The following DENND2B variants were observed in gnomAD, a reference collection of about 807,000 sequenced individuals.
DENND2B encodes the protein DENN domain containing 2B.
In DENND2B, 32 loss-of-function variants were observed where a neutral mutation model predicts 116.0. That is an observed-to-expected ratio of 0.28 (90% CI 0.21 to 0.37). The LOEUF (loss-of-function observed/expected upper bound fraction) is 0.37, where lower values mean the gene tolerates loss of function less well. Among genes scored for constraint, DENND2B ranks in the 10% least tolerant of loss-of-function variants. DENND2B has a pLI of 1.00. For missense variants in DENND2B, 1,276 were observed against 1,477.7 expected, an observed-to-expected ratio of 0.86 and a Z score of 2.24; for synonymous variants, 588 against 583.9, an observed-to-expected ratio of 1.01 and a Z score of -0.10.
At chr11:8,848,833 G>GT (rs2062898594) in intron 3 of DENND2B, among the ~76,000 whole-genome samples, 1 of 151,674 alleles carries the variant, frequency 6.6e-6, no homozygotes, top group African/African-American at 2.4e-5. Flanking sequence ...TATTTATTGG[G>GT]TATCTACTGA....
intron 1 of DENND2B, among the ~76,000 whole-genome samples, chr11:8,794,052 G>A (rs11042068): frequency 6.6e-6 from 1 of 152,022 alleles, no homozygotes. Context: ...TCTGGGGCAT[G>A]GGTTTATAGA....
At chr11:8,765,808 C>T (rs1416107272) in intron 1 of DENND2B, among the ~76,000 whole-genome samples, 3 of 152,000 alleles carry the variant, frequency 2.0e-5, no homozygotes, top group East Asian at 1.9e-4. Flanking sequence ...GAGGCCAAGG[C>T]GGGTAGATTA....
At chr11:8,825,776 T>C (rs982849503) in intron 4 of DENND2B, among the ~76,000 whole-genome samples, 4 of 152,046 alleles carry the variant, frequency 2.6e-5, no homozygotes, top group African/African-American at 9.7e-5. Context: ...GACAACAGGA[T>C]AAAGATGGTT....
At chr11:8,719,029 T>G in intron 4 of DENND2B, 1 of 985,768 alleles carries the variant, frequency 1.0e-6, no homozygotes, top group Non-Finnish European at 1.2e-6. Flanking sequence ...GCACCTCTGC[T>G]CAGCAGCAGG....
Position 8,909,709 on chromosome 11 carries a change from A to G in DENND2B, c.-256+1112T>C, listed in dbSNP as rs1272245873. 5 of 152,208 alleles carry G rather than the reference A, an allele frequency of 3.3e-5. No individual in the cohort carries two copies. In the East Asian group the frequency reaches 9.6e-4, roughly 29 times the overall value. The allele number at this position is 152,208 out of a possible 1,614,324, so 9.4% of individuals were successfully genotyped here. A position where few individuals can be genotyped will look rare whatever the true frequency, so the allele number is the denominator to read the frequency against. Reference sequence around the variant, plus strand: ...AGCAGGAAATTTGCAAAAGTTAAGTAGCATAGAAGGAGGTCGTATTGGTCG... The same window carrying G: ...AGCAGGAAATTTGCAAAAGTTAAGTGGCATAGAAGGAGGTCGTATTGGTCG... On this transcript the variant is annotated intron_variant, in intron 1 of 22. Coordinates refer to the DENND2B transcript ENST00000534127.
chr11:8,906,210 T>C (rs948950004), intron 1 of DENND2B, among the ~76,000 whole-genome samples: 3 of 145,048 alleles, frequency 2.1e-5, no homozygotes, highest in Non-Finnish European at 3.0e-5. Context: ...TTTTTCTTTT[T>C]TTTTTTTTTT....
chr11:8,718,647 A>G (rs1215405670), intron 4 of DENND2B: 11 of 1,279,186 alleles, frequency 8.6e-6, no homozygotes, highest in African/African-American at 1.5e-5. Flanking sequence ...GACACAGGGG[A>G]GGTGTGAAAG....
intron 4 of DENND2B, among the ~76,000 whole-genome samples, chr11:8,838,336 C>T (rs980328830): frequency 6.6e-6 from 1 of 152,130 alleles, no homozygotes; most frequent in African/African-American, 2.4e-5. Context: ...ATGTGCCTTG[C>T]GCAAGATCCC....
intron 1 of DENND2B, among the ~76,000 whole-genome samples, chr11:8,751,645 T>C (rs1053918267): frequency 2.0e-5 from 3 of 152,200 alleles, no homozygotes; most frequent in African/African-American, 7.2e-5. Flanking sequence ...TTAAGAACTG[T>C]AACACTCACT....
chr11:8,724,214 T>C (rs2046686110), intron 4 of DENND2B, among the ~76,000 whole-genome samples: 1 of 151,718 alleles, frequency 6.6e-6, no homozygotes, highest in Non-Finnish European at 1.5e-5. Context: ...AAGAATGGCA[T>C]GAACCCGGGA....
chr11:8,796,902 G>T (rs1221142156), intron 1 of DENND2B, among the ~76,000 whole-genome samples: 1 of 152,046 alleles, frequency 6.6e-6, no homozygotes, highest in Non-Finnish European at 1.5e-5. Flanking sequence ...TGTTTATATG[G>T]ACTCGCATTC....
intron 1 of DENND2B, among the ~76,000 whole-genome samples, chr11:8,791,327 C>A (rs2059356795): frequency 6.6e-6 from 1 of 152,122 alleles, no homozygotes; most frequent in Non-Finnish European, 1.5e-5. Context: ...CAACTATCCC[C>A]AAACATTAAC....
chr11:8,864,203 G>A (rs1430726854), intron 2 of DENND2B, among the ~76,000 whole-genome samples: 1 of 152,086 alleles, frequency 6.6e-6, no homozygotes, highest in East Asian at 1.9e-4. Context: ...CTTCCCAACA[G>A]CAATATTTGG....
rs747834740 is a variant in DENND2B at position 8,697,628 on chromosome 11, G to A, written c.2949C>T (p.Asp983=). Residue 983 remains aspartate (D), a synonymous_variant, in exon 17 of 20, where the codon GAC becomes GAT. Transcript: ENST00000313726. ...GSDRFIRQMD[D]EDTLLPRKLQ... ...ACTTCCTAGGTAACAACGTGTCTTCGTCGTCCATCTGCAGGAGAAAGAAAG... is the reference window on the plus strand; with the variant it reads ...ACTTCCTAGGTAACAACGTGTCTTCATCGTCCATCTGCAGGAGAAAGAAAG... 16 of 1,612,952 alleles carry A rather than the reference G, an allele frequency of 9.9e-6. 1 individual carries two copies. The highest frequency in any genetic ancestry group is 1.7e-5 in the Admixed American group (1 of 60,012).
At chr11:8,710,598 A>G (rs1469550576) in intron 11 of DENND2B, among the ~76,000 whole-genome samples, 1 of 152,110 alleles carries the variant, frequency 6.6e-6, no homozygotes, top group Non-Finnish European at 1.5e-5. Flanking sequence ...CTTACTCCAG[A>G]TAACCTCCGA....
intron 3 of DENND2B, among the ~76,000 whole-genome samples, chr11:8,848,928 G>A (rs1204187352): frequency 6.6e-6 from 1 of 151,826 alleles, no homozygotes; most frequent in African/African-American, 2.4e-5. Context: ...TTAACCCAGG[G>A]TTTATCCAGG....
chr11:8,699,449 C>T, intron 14 of DENND2B, 59 bp from the exon 15 acceptor site: 1 of 1,508,832 alleles, frequency 6.6e-7, no homozygotes, highest in South Asian at 1.3e-5. Context: ...TTAGAGCTCG[C>T]TGGAGGCTCA....
At chr11:8,839,523 G>T (rs1165907670) in intron 3 of DENND2B, among the ~76,000 whole-genome samples, 4 of 152,090 alleles carry the variant, frequency 2.6e-5, no homozygotes, top group African/African-American at 9.7e-5. Context: ...AGAGCAAAGG[G>T]GTCTGAGGCC....
At chr11:8,703,513 C>G (rs1207072492) in intron 13 of DENND2B, 1 of 152,468 alleles carries the variant, frequency 6.6e-6, no homozygotes, top group Non-Finnish European at 1.5e-5. Context: ...ACTGCTGACG[C>G]TCAGGCCGTG....
Sources: gnomAD v4.1 joint callset for allele counts (sites outside exome capture counted in the v4.1 genomes callset) on GRCh38, gnomAD v4.1.1 for gene constraint, MANE v1.5 for transcripts, NCBI Gene and HGNC (gene_info 2026-07-23, HGNC 2026-07-21) for gene names.